Variants in PDK2 observed in about 807,000 individuals in gnomAD.
The protein encoded by PDK2 is pyruvate dehydrogenase kinase, isozyme 2.
PDK2 carries 34 observed loss-of-function variants against 50.4 expected under a neutral mutation model. That is an observed-to-expected ratio of 0.68 (90% CI 0.51 to 0.90). The LOEUF (loss-of-function observed/expected upper bound fraction) is 0.90. PDK2 is among the 40% of genes least tolerant of loss of function. The probability of loss-of-function intolerance (pLI) is 0.00; values close to 1 mark genes in which losing one functional copy is unlikely to be tolerated. For missense variants in PDK2, 377 were observed against 544.5 expected (o/e 0.69, Z 3.06); for synonymous variants, 232 against 216.0 (o/e 1.07, Z -0.65).
At chr17:50,095,254 C>T (rs894328627), upstream of PDK2, 7 of 550,182 alleles carry the variant, frequency 1.3e-5, no homozygotes, top group African/African-American at 1.0e-4. Context: ...TTGGTTCGCC[C>T]GGAGTTGTTT....
chr17:50,095,859 G>C, intron 1 of PDK2: 2 of 1,002,304 alleles, frequency 2.0e-6, no homozygotes, highest in Middle Eastern at 8.4e-4. Context: ...GAGTAGGGTG[G>C]TATCCAGACG....
At chr17:50,096,837 C>T (rs1238321660) in intron 1 of PDK2, among the ~76,000 whole-genome samples, 2 of 152,228 alleles carry the variant, frequency 1.3e-5, no homozygotes, top group African/African-American at 2.4e-5. Context: ...ATTCGGTCCC[C>T]CACCCTTTCC....
chr17:50,100,410 C>T (rs1055381148), intron 2 of PDK2, among the ~76,000 whole-genome samples: 5 of 152,212 alleles, frequency 3.3e-5, no homozygotes, highest in African/African-American at 1.2e-4. Flanking sequence ...CTGGGCAAGC[C>T]ACATGGCATC....
rs1910198441 is a variant in PDK2 at position 50,101,036 on chromosome 17, G to C, written c.260+3472G>C. 1.3e-5 allele frequency: 2 copies of C among 152,286 alleles called. No homozygotes were observed. Among genetic ancestry groups the C allele is most frequent in the Non-Finnish European group, 2.9e-5 (2 of 68,046 alleles). The allele number at this position is 152,286 out of a possible 1,614,324, so 9.4% of individuals were successfully genotyped here. On this transcript the variant is annotated intron_variant, in intron 2 of 10. Coordinates refer to ENST00000503176, the MANE Select transcript of PDK2 (RefSeq NM_002611.5). This position sits in a 1 kb window ranked among gnomAD's most constrained non-coding sequence, Gnocchi z 4.2. ...CCAGGCGTGGAGTCTGTGGGGATGT[G>C]CTTCCAGAAAATGCAGGGTTAAGCA... is the stretch of plus-strand genomic sequence containing the variant.
rs1304184325 is a variant in PDK2 at position 50,097,555 on chromosome 17, T to C, written c.251T>C (p.Val84Ala). 5 of 1,613,200 alleles carry C rather than the reference T, an allele frequency of 3.1e-6. No individual in the cohort carries two copies. Among genetic ancestry groups the C allele is most frequent in the Non-Finnish European group, 4.2e-6 (5 of 1,179,998 alleles). Residue 84 changes from valine to alanine, a missense_variant, in exon 2 of 11, where the codon GTG becomes GCG. Coordinates refer to ENST00000503176, the MANE Select transcript of PDK2 (RefSeq NM_002611.5). ...RVLSTPSVQL[V>A]QSWYVQSLLD... ...CTGAGCACACCCTCCGTGCAGCTGG[T>C]GCAGAGCTGGTGAGACCCCTGGCTC...
Position 50,109,217 on chromosome 17 carries a change from A to G in PDK2, c.970-70A>G, listed in dbSNP as rs753432864. ...CAGCTCCACACCCTTCCCTCCCTGC[A>G]TCAGTCCCTGCAGCTCCAGGAGGCC... On this transcript the variant is annotated intron_variant, in intron 9 of 10. Transcript: ENST00000503176. The surrounding 1 kb of genome is among the most constrained non-coding windows in gnomAD (Gnocchi z 5.0). The G allele has an allele frequency of 4.3e-6, 4 of 930,620 alleles. No individual in the cohort carries two copies. Among genetic ancestry groups the G allele is most frequent in the Admixed American group, 3.9e-5 (2 of 50,706 alleles). The allele number at this position is 930,620 out of a possible 1,614,324, so 57.6% of individuals were successfully genotyped here. A position where few individuals can be genotyped will look rare whatever the true frequency, so the allele number is the denominator to read the frequency against.
upstream of PDK2, among the ~76,000 whole-genome samples, chr17:50,095,109 C>G (rs1044528929): frequency 9.2e-5 from 14 of 152,140 alleles, no homozygotes; most frequent in Non-Finnish European, 1.9e-4. Context: ...GGCTTCGCCC[C>G]GCGGAGGAAA....
chr17:50,109,643 C>G lies in PDK2; in HGVS notation c.1083+243C>G, dbSNP rs1004917594. On this transcript the variant is annotated intron_variant, in intron 10 of 10. Coordinates refer to ENST00000503176, the MANE Select transcript of PDK2 (RefSeq NM_002611.5). This position sits in a 1 kb window ranked among gnomAD's most constrained non-coding sequence, Gnocchi z 5.0. ...GATTAAGACCCCTGTGCTGGGAACC[C>G]TTGACTTGTTAGACCCAGAAGGAAG... Among the ~76,000 whole-genome samples the G allele has an allele frequency of 3.3e-5, 5 of 152,112 alleles. No individual in the cohort carries two copies. Among genetic ancestry groups the G allele is most frequent in the African/African-American group, 1.2e-4 (5 of 41,428 alleles).
chr17:50,106,524 T>C, intron 4 of PDK2: 1 of 532,782 alleles, frequency 1.9e-6, no homozygotes, highest in East Asian at 3.1e-5. Flanking sequence ...AAGAAAAGAA[T>C]AAATGCAATG....
chr17:50,097,449 T>A lies in PDK2; in HGVS notation c.145T>A (p.Ser49Thr). The change falls in exon 2 of 11, where the codon TCC becomes ACC. Residue 49 changes from serine to threonine, a missense_variant. Ser to Thr is a moderately conservative substitution (Grantham distance 58). This residue lies in a region of PDK2 where 100 missense variants were observed against 115.5 expected (regional missense o/e 0.87). Transcript: ENST00000503176. ...ATCCAGCAATGCCTGTGAGAAAACC[T>A]CCTTCACCTTCCTCAGGCAGGAGCT... ...FGSSNACEKT[S>T]FTFLRQELPV... 6.2e-7 allele frequency: 1 copy of A among 1,613,794 alleles called. No homozygotes were observed. The highest frequency in any genetic ancestry group is 8.5e-7 in the Non-Finnish European group (1 of 1,179,964).
chr17:50,095,785 G>T, intron 1 of PDK2: 1 of 1,371,152 alleles, frequency 7.3e-7, no homozygotes, highest in Non-Finnish European at 9.4e-7. Flanking sequence ...AGGTTTCTTC[G>T]TGGGCCTCAT....
rs1910030928 is a variant in PDK2, at chr17:50,097,917, T to A, written c.260+353T>A. The A allele has an allele frequency of 1.9e-5, 4 of 213,460 alleles. No homozygotes were observed. The Admixed American group carries it at 2.0e-4, about 11-fold the overall frequency. 13.2% of individuals were successfully genotyped at this position (213,460 alleles called of 1,614,324 possible). On this transcript the variant is annotated intron_variant, in intron 2 of 10. Coordinates refer to ENST00000503176, the MANE Select transcript of PDK2 (RefSeq NM_002611.5). ...TGGAACTCCAGTAACTGTTAGGCAGTATTTATTTGGGGGTAACTTTTTGGG... is the reference window on the plus strand; with the variant it reads ...TGGAACTCCAGTAACTGTTAGGCAGAATTTATTTGGGGGTAACTTTTTGGG...
In PDK2 at chr17:50,110,081, C is replaced by T. The variant is rs776333336; in HGVS notation, c.1208C>T (p.Thr403Met). Residue 403 changes from threonine (T) to methionine (M), a missense_variant, in exon 11 of 11, where the codon ACG becomes ATG. Around this residue, in one of 3 missense-constraint regions of PDK2, gnomAD observed 214 missense variants for 294.0 expected, o/e 0.73. Transcript: ENST00000503176. ...AGCACGGAGCCCAAGAACACGTCCA[C>T]GTACCGCGTCAGCTAAGGGCCGCCG... is the stretch of plus-strand genomic sequence containing the variant. ...VPSTEPKNTSTYRVS is the reference protein window; with the variant it reads ...VPSTEPKNTSMYRVS 8 of 1,607,294 alleles carry T rather than the reference C, an allele frequency of 5.0e-6. No individual in the cohort carries two copies. The Admixed American group carries it at 5.0e-5, about 10-fold the overall frequency.
chr17:50,102,914 T>G (rs1910311064), intron 2 of PDK2, among the ~76,000 whole-genome samples: 2 of 151,146 alleles, frequency 1.3e-5, no homozygotes, highest in Admixed American at 1.3e-4. Flanking sequence ...AGACTTGGAG[T>G]CTGCAAGAGC....
At position 50,097,550 on chromosome 17, in the gene PDK2, G is replaced by C; in HGVS notation, c.246G>C (p.Gln82His). Residue 82 changes from glutamine to histidine, a missense_variant, in exon 2 of 11, where the codon CAG (glutamine) becomes CAC (histidine). Physicochemically the swap from Gln to His is conservative, Grantham distance 24. This residue lies in a region of PDK2 where 100 missense variants were observed against 115.5 expected (regional missense o/e 0.87). Transcript: ENST00000503176. ...GAGTGCTGAGCACACCCTCCGTGCA[G>C]CTGGTGCAGAGCTGGTGAGACCCCT... The part of the protein sequence containing the change: ...PDRVLSTPSV[Q>H]LVQSWYVQSL... The C allele has an allele frequency of 1.9e-6, 3 of 1,613,288 alleles. No homozygotes were observed. Among genetic ancestry groups the C allele is most frequent in the Non-Finnish European group, 2.5e-6 (3 of 1,180,002 alleles).
At chr17:50,106,225 C>CA in intron 4 of PDK2, 156 bp downstream of exon 4, 1 of 1,421,728 alleles carries the variant, frequency 7.0e-7, no homozygotes, top group South Asian at 1.6e-5. Context: ...ATGGCTCCAA[C>CA]ATGGAAAAAT....
Position 50,107,155 on chromosome 17 carries a change from T to C in PDK2, c.685+2T>C, listed in dbSNP as rs550672848. 3.1e-6 allele frequency: 5 copies of C among 1,613,096 alleles called. No homozygotes were observed. In the East Asian group the frequency reaches 1.1e-4, roughly 36 times the overall value. ...ACCTGGAGATCCAGGAGATCAATGG[T>C]GAGTGAGCGGGGCTGTGTATGTGTC... On this transcript the variant is annotated splice_donor_variant, in intron 6 of 10. Coordinates refer to ENST00000503176, the MANE Select transcript of PDK2 (RefSeq NM_002611.5). LOFTEE classifies it high-confidence loss of function.
At chr17:50,105,296 C>A in intron 2 of PDK2, 75 bp from the exon 3 acceptor site, 1 of 1,079,296 alleles carries the variant, frequency 9.3e-7, no homozygotes, top group Non-Finnish European at 1.3e-6. Context: ...AAGAGCAAGG[C>A]CCAGTTGAAT....
intron 1 of PDK2, among the ~76,000 whole-genome samples, chr17:50,096,956 G>T (rs1285153051): frequency 6.6e-6 from 1 of 152,240 alleles, no homozygotes; most frequent in Non-Finnish European, 1.5e-5. Flanking sequence ...TTCAGGCCAG[G>T]CTGGGTGAGG....
Sources: gnomAD v4.1 joint callset for allele counts (sites outside exome capture counted in the v4.1 genomes callset) on GRCh38, gnomAD v4.1.1 for gene constraint, gnomAD v4.1.1 regional missense constraint, Gnocchi (gnomAD v3.1) non-coding constraint, MANE v1.5 for transcripts, NCBI Gene and HGNC (gene_info 2026-07-23, HGNC 2026-07-21) for gene names.